Variants in FSTL5 observed in about 807,000 individuals in gnomAD.
FSTL5 encodes follistatin like 5, also known as follistatin-related protein 5.
In FSTL5, 62 loss-of-function variants were observed where a neutral mutation model predicts 89.1. The observed-to-expected ratio is 0.70, with a 90% CI of 0.57 to 0.86. FSTL5 has a LOEUF of 0.86. Among genes scored for constraint, FSTL5 ranks in the 40% least tolerant of loss-of-function variants. The pLI, the probability that FSTL5 is intolerant of heterozygous loss-of-function variation, is 0.00. For synonymous variants in FSTL5, 383 were observed against 346.2 expected, an observed-to-expected ratio of 1.11 and a Z score of -1.18; for missense variants, 1,057 against 1,001.6, an observed-to-expected ratio of 1.06 and a Z score of -0.75.
chr4:161,492,923 A>G (rs1251145295), intron 12 of FSTL5, among the ~76,000 whole-genome samples: 1 of 152,028 alleles, frequency 6.6e-6, no homozygotes, highest in Non-Finnish European at 1.5e-5. Flanking sequence ...ACAAACATTT[A>G]GTAAAATAAA....
intron 8 of FSTL5, among the ~76,000 whole-genome samples, chr4:161,574,333 CT>C (rs898483588): frequency 2.3e-4 from 33 of 142,034 alleles, no homozygotes; most frequent in African/African-American, 3.1e-4. Context: ...TTTCCTTTTT[CT>C]TTTTTTTTTC....
intron 3 of FSTL5, among the ~76,000 whole-genome samples, chr4:162,007,465 A>AT (rs1000589170): frequency 1.3e-5 from 2 of 151,896 alleles, no homozygotes; most frequent in Admixed American, 1.3e-4. Flanking sequence ...GTATGATAAA[A>AT]ATATATATAA....
chr4:161,706,514 C>T (rs1244287506), intron 6 of FSTL5, among the ~76,000 whole-genome samples: 1 of 151,894 alleles, frequency 6.6e-6, no homozygotes, highest in Non-Finnish European at 1.5e-5. Flanking sequence ...TGTCCTATTG[C>T]CTATCGAATG....
At chr4:161,538,423 C>T (rs1731707956) in intron 9 of FSTL5, 123 bp from the exon 10 acceptor site, 1 of 1,086,632 alleles carries the variant, frequency 9.2e-7, no homozygotes, top group Non-Finnish European at 1.4e-6. Flanking sequence ...CTTCCTACTT[C>T]CATACTTTGA....
At chr4:161,888,612 T>C (rs536494500) in intron 4 of FSTL5, among the ~76,000 whole-genome samples, 48 of 152,252 alleles carry the variant, frequency 3.2e-4, no homozygotes, top group African/African-American at 1.1e-3. Context: ...TTAATGCAAA[T>C]GCTGTCTTTA....
chr4:161,513,878 T>C (rs1472532351), intron 10 of FSTL5, among the ~76,000 whole-genome samples: 3 of 152,050 alleles, frequency 2.0e-5, no homozygotes, highest in East Asian at 1.9e-4. Context: ...AAATAACTAA[T>C]GGGCACTTGG....
intron 4 of FSTL5, among the ~76,000 whole-genome samples, chr4:161,857,016 A>C (rs1025697119): frequency 1.3e-5 from 2 of 152,196 alleles, no homozygotes; most frequent in Admixed American, 1.3e-4. Context: ...CCAGATGTAT[A>C]GTCTTGGTTG....
At chr4:162,100,830 A>C (rs1730967896) in intron 2 of FSTL5, among the ~76,000 whole-genome samples, 1 of 152,162 alleles carries the variant, frequency 6.6e-6, no homozygotes, top group Admixed American at 6.5e-5. Context: ...CTCTAAAAAT[A>C]ATGTTTGTTT....
At chr4:161,878,377 G>T (rs1319163618) in intron 4 of FSTL5, among the ~76,000 whole-genome samples, 1 of 152,052 alleles carries the variant, frequency 6.6e-6, no homozygotes, top group Non-Finnish European at 1.5e-5. Flanking sequence ...TCAAATCCAA[G>T]AGCTTTGCAA....
rs552285396 is a variant in FSTL5, at chr4:162,111,145, A to T, written c.126+126T>A. On this transcript the variant is annotated intron_variant, in intron 2 of 15. Coordinates refer to ENST00000306100, the MANE Select transcript of FSTL5 (RefSeq NM_020116.5). ...ATGTATTAAAATGTGCATTTTAAAAATAATATGGAAACTACTGAAAGCATA... is the reference window on the plus strand; with the variant it reads ...ATGTATTAAAATGTGCATTTTAAAATTAATATGGAAACTACTGAAAGCATA... 9 of 758,262 alleles carry T rather than the reference A, an allele frequency of 1.2e-5. No homozygotes were observed. The East Asian group carries it at 1.7e-4, about 15-fold the overall frequency. 47.0% of individuals were successfully genotyped at this position (758,262 alleles called of 1,614,324 possible).
At chr4:161,472,768 A>G (rs1050636838) in intron 13 of FSTL5, among the ~76,000 whole-genome samples, 5 of 150,340 alleles carry the variant, frequency 3.3e-5, no homozygotes, top group African/African-American at 9.8e-5. Flanking sequence ...CACTCTTGCC[A>G]GGCTGGAGTG....
intron 3 of FSTL5, among the ~76,000 whole-genome samples, chr4:162,024,796 C>T (rs1024189313): frequency 2.6e-5 from 4 of 151,956 alleles, no homozygotes; most frequent in Non-Finnish European, 5.9e-5. Flanking sequence ...AAACTACACA[C>T]CTGCCACCAT....
At chr4:161,956,954 C>G (rs1397252166) in intron 3 of FSTL5, among the ~76,000 whole-genome samples, 1 of 151,696 alleles carries the variant, frequency 6.6e-6, no homozygotes, top group Non-Finnish European at 1.5e-5. Context: ...TTTAAAAAAC[C>G]TATTGAAAGA....
At chr4:161,899,266 G>A (rs763887270) in intron 4 of FSTL5, among the ~76,000 whole-genome samples, 42 of 152,118 alleles carry the variant, frequency 2.8e-4, no homozygotes, top group Non-Finnish European at 1.3e-4. Context: ...ATATCATCCC[G>A]ATGGTAGAGC....
intron 4 of FSTL5, among the ~76,000 whole-genome samples, chr4:161,828,568 T>C (rs1246007719): frequency 6.6e-6 from 1 of 152,186 alleles, no homozygotes; most frequent in Non-Finnish European, 1.5e-5. Flanking sequence ...TGGGAAGAGC[T>C]ATTATTTAAT....
intron 15 of FSTL5, among the ~76,000 whole-genome samples, chr4:161,441,467 A>C (rs1732759961): frequency 6.6e-6 from 1 of 152,130 alleles, no homozygotes. Flanking sequence ...ATTCCAACTT[A>C]CAAATTTCAC....
chr4:161,970,429 T>C (rs1735448914), intron 3 of FSTL5, among the ~76,000 whole-genome samples: 1 of 152,032 alleles, frequency 6.6e-6, no homozygotes, highest in Admixed American at 6.6e-5. Context: ...GGAATACAGA[T>C]TTGTGACCTA....
chr4:161,530,691 A>G (rs1731381750), intron 10 of FSTL5, among the ~76,000 whole-genome samples: 1 of 152,008 alleles, frequency 6.6e-6, no homozygotes, highest in Admixed American at 6.6e-5. Context: ...ATATATTTAG[A>G]CATACTCTGA....
At chr4:161,592,882 C>T (rs528474265) in intron 7 of FSTL5, among the ~76,000 whole-genome samples, 152 of 152,288 alleles carry the variant, frequency 1.0e-3, no homozygotes, top group Non-Finnish European at 1.9e-3. Context: ...AATTTACACT[C>T]CCACCAACAC....
Sources: allele counts gnomAD v4.1 joint callset (sites outside exome capture counted in the v4.1 genomes callset), GRCh38; gene constraint gnomAD v4.1.1; transcripts MANE v1.5; gene names NCBI Gene and HGNC (gene_info 2026-07-23, HGNC 2026-07-21).